The following RGS6 variants were observed in gnomAD, a reference collection of about 807,000 sequenced individuals.
The protein encoded by RGS6 is regulator of G-protein signaling 6.
In RGS6, 30 loss-of-function variants were observed where a neutral mutation model predicts 78.5. The observed-to-expected ratio is 0.38, with a 90% CI of 0.29 to 0.52. The LOEUF (loss-of-function observed/expected upper bound fraction) is 0.52. Ranked by LOEUF, RGS6 falls within the 20% of genes least tolerant of loss-of-function variation. RGS6 has a pLI of 0.85. For missense variants in RGS6, 495 were observed against 609.7 expected, an observed-to-expected ratio of 0.81 and a Z score of 1.98; for synonymous variants, 206 against 206.0, an observed-to-expected ratio of 1.00 and a Z score of 0.00.
intron 2 of RGS6, among the ~76,000 whole-genome samples, chr14:72,315,914 G>A (rs557981404): frequency 6.6e-6 from 1 of 152,292 alleles, no homozygotes; most frequent in East Asian, 1.9e-4. Context: ...ACTCTATCTT[G>A]TCTACTTCTA....
chr14:72,094,124 G>A (rs2095347188), intron 2 of RGS6, among the ~76,000 whole-genome samples: 1 of 152,136 alleles, frequency 6.6e-6, no homozygotes, highest in South Asian at 2.1e-4. Flanking sequence ...TTCTGGACAG[G>A]AAAATGCTAC....
chr14:71,959,638 A>G (rs2093046830), intron 1 of RGS6, among the ~76,000 whole-genome samples: 1 of 143,768 alleles, frequency 7.0e-6, no homozygotes, highest in Admixed American at 6.9e-5. Context: ...TCACCTGAGG[A>G]GGTTGTTGGA....
At chr14:72,098,056 A>G (rs1054923417) in intron 2 of RGS6, among the ~76,000 whole-genome samples, 3 of 152,298 alleles carry the variant, frequency 2.0e-5, no homozygotes, top group East Asian at 1.9e-4. Flanking sequence ...AAACTGGACC[A>G]TATAAGCTTT....
intron 2 of RGS6, among the ~76,000 whole-genome samples, chr14:72,301,713 C>T (rs2066103491): frequency 6.6e-6 from 1 of 152,144 alleles, no homozygotes; most frequent in African/African-American, 2.4e-5. Context: ...ACACCTCTTC[C>T]TTAGCATATG....
At chr14:72,072,453 G>A (rs1458692508) in intron 2 of RGS6, among the ~76,000 whole-genome samples, 1 of 152,006 alleles carries the variant, frequency 6.6e-6, no homozygotes, top group Non-Finnish European at 1.5e-5. Context: ...GACTACAGGT[G>A]TGTGCCACCA....
chr14:72,290,392 T>C (rs1358941135), intron 2 of RGS6, among the ~76,000 whole-genome samples: 1 of 152,214 alleles, frequency 6.6e-6, no homozygotes, highest in Non-Finnish European at 1.5e-5. Flanking sequence ...ATGTTTTCGA[T>C]AGCTTCACAC....
chr14:72,038,276 A>G (rs528460745), intron 2 of RGS6, among the ~76,000 whole-genome samples: 59 of 152,262 alleles, frequency 3.9e-4, no homozygotes, highest in African/African-American at 1.4e-3. Flanking sequence ...CAACCATGCT[A>G]TCTTGATCTC....
At chr14:72,209,969 T>C (rs1420526761) in intron 2 of RGS6, among the ~76,000 whole-genome samples, 2 of 152,182 alleles carry the variant, frequency 1.3e-5, no homozygotes, top group African/African-American at 2.4e-5. Flanking sequence ...CAAAACTAAT[T>C]ATTGCCATAT....
chr14:72,172,288 C>A (rs886946296), intron 2 of RGS6, among the ~76,000 whole-genome samples: 1 of 150,886 alleles, frequency 6.6e-6, no homozygotes, highest in African/African-American at 2.4e-5. Context: ...TTTGTGTAAT[C>A]TAGTAATGCC....
chr14:72,299,050 A>G (rs1281833609), intron 2 of RGS6, among the ~76,000 whole-genome samples: 1 of 152,144 alleles, frequency 6.6e-6, no homozygotes, highest in Non-Finnish European at 1.5e-5. Flanking sequence ...GTAAGTTGTT[A>G]AATTTATTGG....
chr14:71,949,096 G>T (rs1418690114), intron 1 of RGS6, among the ~76,000 whole-genome samples: 1 of 137,556 alleles, frequency 7.3e-6, no homozygotes, highest in Admixed American at 7.6e-5. Flanking sequence ...ATATTTCTAG[G>T]TTAGACATAT....
intron 2 of RGS6, among the ~76,000 whole-genome samples, chr14:72,168,382 G>T (rs750315540): frequency 1.3e-5 from 2 of 152,122 alleles, no homozygotes; most frequent in South Asian, 4.1e-4. Context: ...TCCTGATGGC[G>T]GGGAATCCCA....
chr14:72,315,565 T>A (rs1390472419), intron 2 of RGS6, among the ~76,000 whole-genome samples: 1 of 152,236 alleles, frequency 6.6e-6, no homozygotes, highest in Non-Finnish European at 1.5e-5. Context: ...CTTTTATTTT[T>A]AGCAAGAGTG....
At chr14:71,962,707 T>A (rs1265609485) in intron 1 of RGS6, among the ~76,000 whole-genome samples, 1 of 152,206 alleles carries the variant, frequency 6.6e-6, no homozygotes, top group Non-Finnish European at 1.5e-5. Context: ...TAATCTAATT[T>A]TAAAAAACAT....
intron 12 of RGS6, among the ~76,000 whole-genome samples, chr14:72,480,413 C>T (rs2096348435): frequency 6.6e-6 from 1 of 152,164 alleles, no homozygotes; most frequent in African/African-American, 2.4e-5. Context: ...CACCTGGTAC[C>T]ACCTAATTAT....
At chr14:72,417,057 G>T (rs1279042302) in intron 3 of RGS6, among the ~76,000 whole-genome samples, 1 of 152,146 alleles carries the variant, frequency 6.6e-6, no homozygotes, top group Non-Finnish European at 1.5e-5. Flanking sequence ...CCACAGGCAG[G>T]TCAGTGGAAC....
At chr14:72,139,256 AC>A (rs1286862634) in intron 2 of RGS6, among the ~76,000 whole-genome samples, 1 of 152,158 alleles carries the variant, frequency 6.6e-6, no homozygotes, top group Admixed American at 6.5e-5. Flanking sequence ...TGCCCAAGCC[AC>A]CCTTGGTTTC....
intron 2 of RGS6, among the ~76,000 whole-genome samples, chr14:72,207,084 G>T (rs2042892891): frequency 6.6e-6 from 1 of 152,110 alleles, no homozygotes; most frequent in African/African-American, 2.4e-5. Flanking sequence ...TAAACTCATA[G>T]ACATAACATA....
intron 9 of RGS6, chr14:72,474,093 A>C (rs1191528734): frequency 1.3e-5 from 2 of 152,358 alleles, no homozygotes; most frequent in African/African-American, 2.4e-5. Flanking sequence ...ACAACTACTG[A>C]GTAAGGAGTT....
Sources: gnomAD v4.1 joint callset for allele counts (sites outside exome capture counted in the v4.1 genomes callset) on GRCh38, gnomAD v4.1.1 for gene constraint, MANE v1.5 for transcripts, NCBI Gene and HGNC (gene_info 2026-07-23, HGNC 2026-07-21) for gene names.